The following TUSC3 variants were observed in gnomAD, a reference collection of about 807,000 sequenced individuals.
The protein encoded by TUSC3 is dolichyl-diphosphooligosaccharide--protein glycosyltransferase subunit TUSC3.
Under a neutral mutation model 44.8 loss-of-function variants are expected in TUSC3, and 45 were observed. That is an observed-to-expected ratio of 1.00 (90% CI 0.79 to 1.29). The LOEUF is 1.29. Among genes scored for constraint, TUSC3 ranks in the 50% most tolerant of loss-of-function variants. The pLI is 0.00. For synonymous variants in TUSC3, 212 were observed against 152.9 expected, an observed-to-expected ratio of 1.39 and a Z score of -2.85; for missense variants, 519 against 437.9, an observed-to-expected ratio of 1.19 and a Z score of -1.65.
intron 1 of TUSC3, among the ~76,000 whole-genome samples, chr8:15,566,632 T>G (rs1191823859): frequency 6.6e-6 from 1 of 152,022 alleles, no homozygotes; most frequent in African/African-American, 2.4e-5. Context: ...TTGTTGTTTT[T>G]TTTTTGAGAC....
intron 2 of TUSC3, among the ~76,000 whole-genome samples, chr8:15,507,583 T>C (rs1585069850): frequency 2.0e-5 from 3 of 152,240 alleles, no homozygotes; most frequent in Non-Finnish European, 4.4e-5. Flanking sequence ...TAATTAAAGG[T>C]CTTCTAAAGT....
At chr8:15,618,877 T>G (rs1438505052) in intron 1 of TUSC3, among the ~76,000 whole-genome samples, 2 of 152,136 alleles carry the variant, frequency 1.3e-5, no homozygotes, top group Non-Finnish European at 2.9e-5. Flanking sequence ...TATTAGGCGG[T>G]AAGAATTTTT....
intron 6 of TUSC3, among the ~76,000 whole-genome samples, chr8:15,718,377 C>G (rs1263402048): frequency 1.3e-5 from 2 of 152,038 alleles, no homozygotes; most frequent in Non-Finnish European, 2.9e-5. Context: ...TTGATAGATG[C>G]ATAGAGTGCT....
At chr8:15,738,065 A>G (rs918374903) in intron 7 of TUSC3, among the ~76,000 whole-genome samples, 2 of 152,126 alleles carry the variant, frequency 1.3e-5, no homozygotes, top group African/African-American at 2.4e-5. Context: ...AGTATAATTC[A>G]TATGTCTTAA....
chr8:15,613,227 A>G (rs893270468), intron 1 of TUSC3, among the ~76,000 whole-genome samples: 1 of 140,804 alleles, frequency 7.1e-6, no homozygotes, highest in East Asian at 2.0e-4. Context: ...AACATGTCTT[A>G]CAGTGCTTTT....
intron 6 of TUSC3, among the ~76,000 whole-genome samples, chr8:15,726,895 T>G (rs1291982364): frequency 6.6e-6 from 1 of 152,202 alleles, no homozygotes; most frequent in Non-Finnish European, 1.5e-5. Flanking sequence ...ATTTGTTCCT[T>G]TGGAAGAATT....
At chr8:15,689,119 C>A in intron 6 of TUSC3, 1 of 383,246 alleles carries the variant, frequency 2.6e-6, no homozygotes, top group Admixed American at 3.2e-5. Flanking sequence ...TCTTGTCTTG[C>A]ACGCCATTCT....
At chr8:15,746,245 C>G (rs1452629454) in intron 8 of TUSC3, among the ~76,000 whole-genome samples, 1 of 151,988 alleles carries the variant, frequency 6.6e-6, no homozygotes, top group Admixed American at 6.6e-5. Flanking sequence ...TTTATTAAAT[C>G]ACCGTTTTCA....
chr8:15,425,995 A>G (rs1255035190), intron 1 of TUSC3, among the ~76,000 whole-genome samples: 1 of 152,212 alleles, frequency 6.6e-6, no homozygotes, highest in Non-Finnish European at 1.5e-5. Context: ...AAGCCTGGAC[A>G]ACAGATTGAG....
intron 1 of TUSC3, among the ~76,000 whole-genome samples, chr8:15,452,540 T>C (rs1270778840): frequency 2.0e-5 from 3 of 152,066 alleles, no homozygotes; most frequent in Non-Finnish European, 4.4e-5. Context: ...TGTGGAGCCC[T>C]AATTAGGGAA....
rs772312715 is a variant in TUSC3 at position 15,623,255 on chromosome 8, T to A, written c.308+6T>A. Reference sequence around the variant, plus strand: ...CGGCAGTGTTCTGTGTGCAGGTAATTTATGTAATTAAAAAATATTAAAAAC... The same window carrying A: ...CGGCAGTGTTCTGTGTGCAGGTAATATATGTAATTAAAAAATATTAAAAAC... On this transcript the variant is annotated splice_donor_region_variant and intron_variant, in intron 2 of 10. Transcript: ENST00000503731. 4 of 1,578,884 alleles carry A rather than the reference T, an allele frequency of 2.5e-6. No homozygotes were observed. Among genetic ancestry groups the A allele is most frequent in the South Asian group, 2.4e-5 (2 of 82,352 alleles).
At chr8:15,705,082 A>G (rs1809562939) in intron 6 of TUSC3, among the ~76,000 whole-genome samples, 1 of 149,548 alleles carries the variant, frequency 6.7e-6, no homozygotes, top group East Asian at 2.0e-4. Flanking sequence ...TTCATGACCC[A>G]TTTCTTCAAA....
At chr8:15,645,474 A>T (rs1191525838) in intron 2 of TUSC3, among the ~76,000 whole-genome samples, 1 of 152,022 alleles carries the variant, frequency 6.6e-6, no homozygotes, top group African/African-American at 2.4e-5. Flanking sequence ...GCTCACTATT[A>T]TCTCATCCTC....
chr8:15,513,873 A>G (rs529104428), intron 2 of TUSC3, among the ~76,000 whole-genome samples: 3 of 152,062 alleles, frequency 2.0e-5, no homozygotes, highest in African/African-American at 7.2e-5. Context: ...TTGCTCCCAA[A>G]TTTTTCCACC....
intron 1 of TUSC3, among the ~76,000 whole-genome samples, chr8:15,614,889 AGTG>A: frequency 6.7e-6 from 1 of 150,092 alleles, no homozygotes; most frequent in South Asian, 2.2e-4. Context: ...TTTTATATAT[AGTG>A]AAAGTATACA....
chr8:15,824,097 G>C, the TUSC3 span, among the ~76,000 whole-genome samples: 2 of 152,330 alleles, frequency 1.3e-5, no homozygotes, highest in Non-Finnish European at 2.9e-5. Flanking sequence ...GAAGGAGGAA[G>C]AAGATGAGGC....
At chr8:15,437,568 C>G (rs2129117848) in intron 1 of TUSC3, among the ~76,000 whole-genome samples, 1 of 152,294 alleles carries the variant, frequency 6.6e-6, no homozygotes, top group Admixed American at 6.5e-5. Context: ...CATTAAGAAA[C>G]TGTAGTGCAG....
At chr8:15,764,148 T>C (rs1243175117) in intron 10 of TUSC3, 55 bp from the exon 11 acceptor site, 9 of 1,447,730 alleles carry the variant, frequency 6.2e-6, no homozygotes, top group South Asian at 4.7e-5. Flanking sequence ...AACAAACATA[T>C]TGTATTTTCC....
At chr8:15,812,031 C>A in the TUSC3 span, among the ~76,000 whole-genome samples, 4 of 152,152 alleles carry the variant, frequency 2.6e-5, no homozygotes, top group Admixed American at 6.5e-5. Flanking sequence ...TCCTTTTATT[C>A]TCCAAAGAAA....
Sources: gnomAD v4.1 joint callset for allele counts (sites outside exome capture counted in the v4.1 genomes callset) on GRCh38, gnomAD v4.1.1 for gene constraint, MANE v1.5 for transcripts, NCBI Gene and HGNC (gene_info 2026-07-23, HGNC 2026-07-21) for gene names.